CNTN1: variants seen among roughly 807,000 people sequenced by gnomAD.
CNTN1 encodes the protein contactin-1.
Under a neutral mutation model 126.4 loss-of-function variants are expected in CNTN1, and 38 were observed. The observed-to-expected ratio is 0.30, with a 90% confidence interval of 0.23 to 0.39. CNTN1 has a LOEUF of 0.39. Ranked by LOEUF, CNTN1 falls within the 10% of genes least tolerant of loss-of-function variation. The pLI, the probability that CNTN1 is intolerant of heterozygous loss-of-function variation, is 1.00. For synonymous variants in CNTN1, 413 were observed against 422.6 expected, an observed-to-expected ratio of 0.98 and a Z score of 0.28; for missense variants, 1,009 against 1,248.4, an observed-to-expected ratio of 0.81 and a Z score of 2.89.
chr12:40,878,099 G>T (rs960971852), intron 1 of CNTN1, among the ~76,000 whole-genome samples: 1 of 144,922 alleles, frequency 6.9e-6, no homozygotes, highest in Non-Finnish European at 1.5e-5. Context: ...CTGGGTTGAA[G>T]CGATTCTCCT....
At chr12:40,902,788 T>G (rs1262712531) in intron 1 of CNTN1, among the ~76,000 whole-genome samples, 2 of 152,130 alleles carry the variant, frequency 1.3e-5, no homozygotes, top group Non-Finnish European at 2.9e-5. Flanking sequence ...GTTGAAGCAT[T>G]TTATAATAAT....
chr12:40,909,334 C>G (rs1386136626), intron 2 of CNTN1, among the ~76,000 whole-genome samples: 1 of 151,820 alleles, frequency 6.6e-6, no homozygotes, highest in African/African-American at 2.4e-5. Flanking sequence ...CCAACTAGTA[C>G]TTATTGAGCT....
chr12:40,988,651 G>T (rs956424662), intron 16 of CNTN1, among the ~76,000 whole-genome samples: 1 of 152,114 alleles, frequency 6.6e-6, no homozygotes, highest in Non-Finnish European at 1.5e-5. Flanking sequence ...GGGCCTCAAG[G>T]CATTTGTAAA....
chr12:40,998,089 A>C (rs1442762221), intron 17 of CNTN1, among the ~76,000 whole-genome samples: 1 of 152,162 alleles, frequency 6.6e-6, no homozygotes, highest in African/African-American at 2.4e-5. Context: ...AGGAGTGATC[A>C]AGGCAACAAT....
chr12:40,817,355 G>A (rs1565779254), intron 1 of CNTN1, among the ~76,000 whole-genome samples: 1 of 151,722 alleles, frequency 6.6e-6, no homozygotes, highest in Non-Finnish European at 1.5e-5. Flanking sequence ...TATATATTCA[G>A]AATAGTTAGC....
At chr12:40,713,965 G>A (rs1941987688) in intron 1 of CNTN1, among the ~76,000 whole-genome samples, 1 of 152,058 alleles carries the variant, frequency 6.6e-6, no homozygotes, top group South Asian at 2.1e-4. Flanking sequence ...ATTAGGTCAA[G>A]TGACCTCCCT....
intron 1 of CNTN1, among the ~76,000 whole-genome samples, chr12:40,696,692 T>C (rs1405270718): frequency 6.6e-6 from 1 of 152,174 alleles, no homozygotes; most frequent in African/African-American, 2.4e-5. Flanking sequence ...ATTATTTCAC[T>C]TCAATAATAT....
chr12:40,950,846 ACT>A (rs943950730), intron 14 of CNTN1, among the ~76,000 whole-genome samples: 15 of 151,942 alleles, frequency 9.9e-5, no homozygotes, highest in African/African-American at 3.6e-4. Context: ...AGCTGATGTC[ACT>A]CTCTAGCCTA....
intron 5 of CNTN1, 102 bp downstream of exon 5, chr12:40,922,530 G>C: frequency 1.8e-6 from 2 of 1,095,582 alleles, no homozygotes; most frequent in South Asian, 2.6e-5. Flanking sequence ...TCATAGATGA[G>C]GTGGATCTTA....
At chr12:40,714,375 C>T (rs2121181771) in intron 1 of CNTN1, among the ~76,000 whole-genome samples, 1 of 152,184 alleles carries the variant, frequency 6.6e-6, no homozygotes, top group East Asian at 1.9e-4. Flanking sequence ...CACCTTCCCC[C>T]ATCTCTCCAA....
At chr12:40,913,276 C>T (rs1945109306) in intron 3 of CNTN1, among the ~76,000 whole-genome samples, 1 of 152,148 alleles carries the variant, frequency 6.6e-6, no homozygotes, top group Non-Finnish European at 1.5e-5. Context: ...AAAGGCTAAG[C>T]CCATCTTCTG....
chr12:40,902,580 AT>A (rs534782291), intron 1 of CNTN1, among the ~76,000 whole-genome samples: 2,052 of 151,916 alleles, frequency 0.014, 43 homozygotes, highest in African/African-American at 0.047. Flanking sequence ...GTGCCAAAAA[AT>A]TTTTTTTGTA....
At chr12:40,882,136 G>T (rs1943889955) in intron 1 of CNTN1, among the ~76,000 whole-genome samples, 1 of 151,618 alleles carries the variant, frequency 6.6e-6, no homozygotes, top group Admixed American at 6.6e-5. Flanking sequence ...AATAAATTTG[G>T]GTCACTTCTC....
At chr12:41,050,559 G>C (rs1053640888) in intron 23 of CNTN1, among the ~76,000 whole-genome samples, 1 of 152,102 alleles carries the variant, frequency 6.6e-6, no homozygotes, top group South Asian at 2.1e-4. Flanking sequence ...CCTTCCACCA[G>C]GTCCCTCCCC....
In CNTN1 at chr12:40,968,743, A is replaced by T. The variant is rs375523550; in HGVS notation, c.1804+9509A>T. 4.6e-5 allele frequency among the ~76,000 whole-genome samples: 7 copies of T among 152,278 alleles called. No homozygotes were observed. The South Asian group carries it at 6.2e-4, about 14-fold the overall frequency. Reference sequence around the variant, plus strand: ...CAAAGGAAGTTTAAAAAAGAAAAAAAATATATTTTCAACTATCAGTTATAA... The same window carrying T: ...CAAAGGAAGTTTAAAAAAGAAAAAATATATATTTTCAACTATCAGTTATAA... On this transcript the variant is annotated intron_variant, in intron 15 of 23. Coordinates refer to ENST00000551295, the MANE Select transcript of CNTN1 (RefSeq NM_001843.4).
intron 1 of CNTN1, among the ~76,000 whole-genome samples, chr12:40,743,111 G>A (rs1938019291): frequency 6.6e-6 from 1 of 152,042 alleles, no homozygotes; most frequent in Non-Finnish European, 1.5e-5. Context: ...TGTTGTGAAG[G>A]ATGTCTAGGG....
chr12:40,827,327 A>C (rs1245345136), intron 1 of CNTN1, among the ~76,000 whole-genome samples: 1 of 152,126 alleles, frequency 6.6e-6, no homozygotes, highest in Admixed American at 6.6e-5. Flanking sequence ...ACCCATATTG[A>C]TGATTTTTAA....
At chr12:40,744,134 G>A (rs994125100) in intron 1 of CNTN1, among the ~76,000 whole-genome samples, 1 of 151,982 alleles carries the variant, frequency 6.6e-6, no homozygotes, top group Non-Finnish European at 1.5e-5. Flanking sequence ...GGGCCTGTCA[G>A]TAGCAGGGGT....
chr12:40,716,698 G>A (rs61915100), intron 1 of CNTN1, among the ~76,000 whole-genome samples: 30,693 of 152,116 alleles, frequency 0.2, 3,207 homozygotes, highest in Middle Eastern at 0.28. Flanking sequence ...AATTATTACT[G>A]TAATTGTAGT....
Sources: allele counts gnomAD v4.1 joint callset (sites outside exome capture counted in the v4.1 genomes callset), GRCh38; gene constraint gnomAD v4.1.1; transcripts MANE v1.5; gene names NCBI Gene and HGNC (gene_info 2026-07-23, HGNC 2026-07-21).